Variants in ROBO1 observed in about 807,000 individuals in gnomAD.
ROBO1 encodes the protein roundabout homolog 1.
Under a neutral mutation model 195.9 loss-of-function variants are expected in ROBO1, and 149 were observed. That is an observed-to-expected ratio of 0.76 (90% CI 0.67 to 0.87). The LOEUF (loss-of-function observed/expected upper bound fraction) is 0.87, where lower values mean the gene tolerates loss of function less well. ROBO1 is among the 40% of genes least tolerant of loss of function. The pLI, the probability that ROBO1 is intolerant of heterozygous loss-of-function variation, is 0.00. For missense variants in ROBO1, 1,933 were observed against 2,068.3 expected (o/e 0.93, Z 1.27); for synonymous variants, 816 against 733.2 (o/e 1.11, Z -1.82).
intron 2 of ROBO1, among the ~76,000 whole-genome samples, chr3:79,385,926 TA>T (rs1287840983): frequency 6.6e-6 from 1 of 152,194 alleles, no homozygotes; most frequent in African/African-American, 2.4e-5. Context: ...TCTACACATT[TA>T]TATTATTTTC....
At chr3:79,212,032 G>A in intron 2 of ROBO1, among the ~76,000 whole-genome samples, 1 of 152,182 alleles carries the variant, frequency 6.6e-6, no homozygotes, top group East Asian at 1.9e-4. Context: ...ATAAAGGGAT[G>A]GGCTCTGGCT....
chr3:78,741,069 C>T (rs1411351703), intron 5 of ROBO1, among the ~76,000 whole-genome samples: 1 of 152,064 alleles, frequency 6.6e-6, no homozygotes, highest in African/African-American at 2.4e-5. Flanking sequence ...TATACAGTTG[C>T]TCTTGTCTCA....
chr3:78,694,365 T>C (rs1260818069), intron 8 of ROBO1, among the ~76,000 whole-genome samples: 2 of 152,182 alleles, frequency 1.3e-5, no homozygotes, highest in Non-Finnish European at 2.9e-5. Context: ...CACATTCCTA[T>C]AGTTTAAATA....
intron 3 of ROBO1, among the ~76,000 whole-genome samples, chr3:79,120,413 C>G (rs912213146): frequency 2.0e-5 from 3 of 152,110 alleles, no homozygotes; most frequent in Non-Finnish European, 4.4e-5. Flanking sequence ...AACAAATCAA[C>G]AACAAGCAAG....
At chr3:79,005,997 T>C (rs1232955724) in intron 3 of ROBO1, among the ~76,000 whole-genome samples, 2 of 152,208 alleles carry the variant, frequency 1.3e-5, no homozygotes, top group African/African-American at 4.8e-5. Flanking sequence ...ATTTCCTTAA[T>C]GTATTTTCTT....
intron 4 of ROBO1, among the ~76,000 whole-genome samples, chr3:78,854,398 T>C (rs1015971276): frequency 6.7e-6 from 1 of 149,824 alleles, no homozygotes; most frequent in African/African-American, 2.4e-5. Flanking sequence ...TATGTGTGTG[T>C]GGGAGTGTGT....
intron 3 of ROBO1, among the ~76,000 whole-genome samples, chr3:79,084,272 G>A (rs929934054): frequency 3.3e-5 from 5 of 152,326 alleles, no homozygotes; most frequent in African/African-American, 9.6e-5. Flanking sequence ...GCTGAGGTGG[G>A]CGGATCACCT....
intron 2 of ROBO1, among the ~76,000 whole-genome samples, chr3:79,273,994 C>T (rs2108980398): frequency 6.6e-6 from 1 of 151,912 alleles, no homozygotes; most frequent in African/African-American, 2.4e-5. Context: ...TACCCAACAC[C>T]AGGGCACCCA....
At chr3:78,612,410 G>A (rs534803511) in intron 28 of ROBO1, among the ~76,000 whole-genome samples, 23 of 152,056 alleles carry the variant, frequency 1.5e-4, no homozygotes, top group Non-Finnish European at 3.1e-4. Flanking sequence ...GTCTGCCATT[G>A]AGCTTCTTCA....
At chr3:78,628,886 G>A (rs1000742385) in intron 25 of ROBO1, among the ~76,000 whole-genome samples, 2 of 151,842 alleles carry the variant, frequency 1.3e-5, no homozygotes, top group South Asian at 4.1e-4. Flanking sequence ...TCTTGTATGT[G>A]CTACTGCAAC....
In ROBO1 at chr3:78,929,376, G is replaced by T. The variant is rs191944528; in HGVS notation, c.499+9225C>A. Among the ~76,000 whole-genome samples the T allele has an allele frequency of 1.3e-3, 205 of 152,244 alleles. 1 individual carries two copies. Among genetic ancestry groups the T allele is most frequent in the Admixed American group, 0.011 (174 of 15,290 alleles). ...TTATCCCCTACCAGACAGAAAAAGAGAAAGTAAAGGTTGCTAGGTCCTGTT... is the reference window on the plus strand; with the variant it reads ...TTATCCCCTACCAGACAGAAAAAGATAAAGTAAAGGTTGCTAGGTCCTGTT... On this transcript the variant is annotated intron_variant, in intron 4 of 30. Coordinates refer to ENST00000464233, the MANE Select transcript of ROBO1 (RefSeq NM_002941.4).
At chr3:78,671,665 ACTCTT>A in intron 10 of ROBO1, among the ~76,000 whole-genome samples, 2 of 152,018 alleles carry the variant, frequency 1.3e-5, no homozygotes, top group Middle Eastern at 3.4e-3. Context: ...TTTCCACTCT[ACTCTT>A]CCAATTCTCT....
intron 3 of ROBO1, among the ~76,000 whole-genome samples, chr3:78,988,999 A>G (rs1400629865): frequency 6.6e-6 from 1 of 152,146 alleles, no homozygotes; most frequent in East Asian, 1.9e-4. Flanking sequence ...ACAGGCTGGA[A>G]GGTGTAGGGA....
chr3:79,403,071 C>A (rs1441569103), intron 2 of ROBO1, among the ~76,000 whole-genome samples: 1 of 151,872 alleles, frequency 6.6e-6, no homozygotes, highest in Non-Finnish European at 1.5e-5. Context: ...ATTATCCACT[C>A]ATTCTCTCTT....
At chr3:78,883,701 TTAA>T (rs2036323443) in intron 4 of ROBO1, among the ~76,000 whole-genome samples, 1 of 152,166 alleles carries the variant, frequency 6.6e-6, no homozygotes, top group East Asian at 1.9e-4. Context: ...TACTATACTG[TTAA>T]TAATTTACTA....
At chr3:78,753,926 T>C (rs1391376375) in intron 4 of ROBO1, among the ~76,000 whole-genome samples, 5 of 152,202 alleles carry the variant, frequency 3.3e-5, no homozygotes, top group African/African-American at 1.2e-4. Flanking sequence ...ATGATAGATT[T>C]ATTTTAAAAG....
chr3:79,012,939 GA>G (rs777196222), intron 3 of ROBO1, among the ~76,000 whole-genome samples: 5 of 152,108 alleles, frequency 3.3e-5, no homozygotes, highest in Non-Finnish European at 5.9e-5. Context: ...TGCTAATCAA[GA>G]ATTGTAAAGA....
intron 4 of ROBO1, among the ~76,000 whole-genome samples, chr3:78,891,665 T>C (rs1419502771): frequency 1.3e-5 from 2 of 152,234 alleles, no homozygotes; most frequent in Non-Finnish European, 1.5e-5. Context: ...ATATTCATAA[T>C]AGCTGAAACT....
intron 4 of ROBO1, among the ~76,000 whole-genome samples, chr3:78,826,881 C>T (rs1283657360): frequency 2.6e-5 from 4 of 152,164 alleles, no homozygotes; most frequent in African/African-American, 9.7e-5. Context: ...TTTCTGGTAA[C>T]ACAACCTGAC....
Sources: allele counts gnomAD v4.1 joint callset (sites outside exome capture counted in the v4.1 genomes callset), GRCh38; gene constraint gnomAD v4.1.1; transcripts MANE v1.5; gene names NCBI Gene and HGNC (gene_info 2026-07-23, HGNC 2026-07-21).